The following SDK1 variants were observed in gnomAD, a reference collection of about 807,000 sequenced individuals.
SDK1 encodes the protein sidekick cell adhesion molecule 1.
Under a neutral mutation model 245.5 loss-of-function variants are expected in SDK1, and 157 were observed. The ratio of observed to expected loss-of-function variants is 0.64; its 90% CI spans 0.56 to 0.73. The LOEUF is 0.73. SDK1 is among the 30% of genes least tolerant of loss of function. The probability of loss-of-function intolerance (pLI) is 0.00; values close to 1 mark genes in which losing one functional copy is unlikely to be tolerated. For synonymous variants in SDK1, 1,647 were observed against 1,278.5 expected, an observed-to-expected ratio of 1.29 and a Z score of -6.15; for missense variants, 3,583 against 3,002.3, an observed-to-expected ratio of 1.19 and a Z score of -4.52.
intron 1 of SDK1, among the ~76,000 whole-genome samples, chr7:3,458,651 T>A (rs999441661): frequency 6.6e-6 from 1 of 152,152 alleles, no homozygotes; most frequent in African/African-American, 2.4e-5. Context: ...AGGAGGTAGA[T>A]AGAGGTCATG....
intron 1 of SDK1, among the ~76,000 whole-genome samples, chr7:3,493,323 C>T (rs1185573935): frequency 6.6e-6 from 1 of 152,206 alleles, no homozygotes; most frequent in Non-Finnish European, 1.5e-5. Context: ...CCATTCAGGA[C>T]ATTTCTTCAC....
intron 5 of SDK1, among the ~76,000 whole-genome samples, chr7:3,856,968 G>A (rs536828013): frequency 3.3e-5 from 5 of 152,182 alleles, no homozygotes; most frequent in Admixed American, 1.3e-4. Flanking sequence ...TGCTGAAAAG[G>A]AAGGCTCTAC....
intron 38 of SDK1, among the ~76,000 whole-genome samples, chr7:4,218,150 T>A (rs1490419346): frequency 6.6e-6 from 1 of 152,200 alleles, no homozygotes; most frequent in African/African-American, 2.4e-5. Context: ...ATGTCTGTAA[T>A]TCCAGCACGT....
At chr7:4,193,397 T>TATATATATATATATATATAA (rs1491542284) in intron 35 of SDK1, among the ~76,000 whole-genome samples, 6 of 64,216 alleles carry the variant, frequency 9.3e-5, no homozygotes, top group African/African-American at 3.7e-4. Context: ...TATATATATA[T>TATATATATATATATATATAA]AAAGGGGAGT....
intron 30 of SDK1, among the ~76,000 whole-genome samples, chr7:4,155,125 T>C (rs1780642566): frequency 6.6e-6 from 1 of 152,006 alleles, no homozygotes; most frequent in African/African-American, 2.4e-5. Context: ...GCCCTCTGCC[T>C]GCCTCATTTG....
intron 5 of SDK1, among the ~76,000 whole-genome samples, chr7:3,934,442 C>T (rs889314605): frequency 7.9e-5 from 12 of 152,212 alleles, no homozygotes; most frequent in South Asian, 2.1e-4. Context: ...TGATTATCAG[C>T]GGACTGGAGC....
intron 1 of SDK1, among the ~76,000 whole-genome samples, chr7:3,508,670 T>A (rs954827685): frequency 2.0e-5 from 3 of 152,160 alleles, no homozygotes; most frequent in African/African-American, 7.2e-5. Context: ...TAGCTCTAAT[T>A]TCAAGAGACC....
chr7:3,585,530 A>G (rs1312496232), intron 1 of SDK1, among the ~76,000 whole-genome samples: 5 of 152,216 alleles, frequency 3.3e-5, no homozygotes, highest in Non-Finnish European at 2.9e-5. Flanking sequence ...GGAGGAGTGG[A>G]GTGCCAGGGC....
chr7:4,053,843 C>G (rs1486576878), intron 19 of SDK1, among the ~76,000 whole-genome samples: 1 of 152,174 alleles, frequency 6.6e-6, no homozygotes, highest in Non-Finnish European at 1.5e-5. Flanking sequence ...TTCCCATACT[C>G]TGCCTTTGCT....
chr7:3,831,627 G>T (rs992055359), intron 5 of SDK1, among the ~76,000 whole-genome samples: 1 of 152,078 alleles, frequency 6.6e-6, no homozygotes, highest in Non-Finnish European at 1.5e-5. Context: ...TTTAACTTCA[G>T]TTTCCAATTT....
At chr7:4,262,615 G>A (rs576209713) in intron 44 of SDK1, among the ~76,000 whole-genome samples, 19 of 151,132 alleles carry the variant, frequency 1.3e-4, no homozygotes, top group Admixed American at 3.9e-4. Context: ...TCATTTCTCC[G>A]TCCCCTCCCC....
chr7:4,102,867 C>G (rs1782648989), intron 22 of SDK1, among the ~76,000 whole-genome samples: 1 of 152,036 alleles, frequency 6.6e-6, no homozygotes, highest in Non-Finnish European at 1.5e-5. Flanking sequence ...TGAAGGACCG[C>G]CCCTACCGGG....
intron 5 of SDK1, among the ~76,000 whole-genome samples, chr7:3,909,641 C>G (rs1173578856): frequency 6.6e-6 from 1 of 152,218 alleles, no homozygotes; most frequent in Non-Finnish European, 1.5e-5. Context: ...CCTATATGCG[C>G]TCTCCAGTAT....
At chr7:3,563,238 G>T (rs1358054984) in intron 1 of SDK1, among the ~76,000 whole-genome samples, 1 of 151,936 alleles carries the variant, frequency 6.6e-6, no homozygotes, top group Non-Finnish European at 1.5e-5. Flanking sequence ...TACAGTAAAT[G>T]GAAAATATGA....
At chr7:3,575,726 T>A (rs1780265834) in intron 1 of SDK1, among the ~76,000 whole-genome samples, 1 of 152,072 alleles carries the variant, frequency 6.6e-6, no homozygotes, top group Non-Finnish European at 1.5e-5. Flanking sequence ...ACTCTTCATT[T>A]TTTTTGTTCT....
At chr7:3,944,447 A>G (rs1780497082) in intron 5 of SDK1, among the ~76,000 whole-genome samples, 2 of 152,230 alleles carry the variant, frequency 1.3e-5, no homozygotes, top group Non-Finnish European at 2.9e-5. Flanking sequence ...TTGTTAATGT[A>G]GGACGTTGAA....
chr7:3,977,420 G>T (rs1488671855), intron 13 of SDK1, among the ~76,000 whole-genome samples: 3 of 108,696 alleles, frequency 2.8e-5, no homozygotes, highest in Admixed American at 8.6e-5. Flanking sequence ...GGCTGAGGCT[G>T]CCACACAGAG....
intron 4 of SDK1, among the ~76,000 whole-genome samples, chr7:3,698,891 C>T (rs1030402018): frequency 3.9e-5 from 6 of 152,190 alleles, no homozygotes; most frequent in African/African-American, 1.4e-4. Flanking sequence ...GAGTTTAAGG[C>T]TTCAAAATAC....
At chr7:4,187,213 C>T (rs1374656445) in intron 35 of SDK1, among the ~76,000 whole-genome samples, 1 of 152,120 alleles carries the variant, frequency 6.6e-6, no homozygotes, top group Non-Finnish European at 1.5e-5. Context: ...AGGGCTGGGT[C>T]CCATGTGGGG....
Sources: gnomAD v4.1 joint callset for allele counts (sites outside exome capture counted in the v4.1 genomes callset) on GRCh38, gnomAD v4.1.1 for gene constraint, MANE v1.5 for transcripts, NCBI Gene and HGNC (gene_info 2026-07-23, HGNC 2026-07-21) for gene names.